SLC16A2: variants seen among roughly 807,000 people sequenced by gnomAD.
The protein encoded by SLC16A2 is monocarboxylate transporter 8.
A neutral mutation model predicts 27.2 loss-of-function variants in SLC16A2; 3 were observed. The observed-to-expected ratio is 0.11, with a 90% confidence interval of 0.05 to 0.28. SLC16A2 has a LOEUF of 0.28. SLC16A2 is among the 10% of genes least tolerant of loss of function. The pLI, the probability that SLC16A2 is intolerant of heterozygous loss-of-function variation, is 1.00. For synonymous variants in SLC16A2, 202 were observed against 187.8 expected, an observed-to-expected ratio of 1.08 and a Z score of -0.62; for missense variants, 295 against 458.5, an observed-to-expected ratio of 0.64 and a Z score of 3.26.
chrX:74,451,955 G>A (rs1928950075), intron 1 of SLC16A2, among the ~76,000 whole-genome samples: 1 of 112,604 alleles, frequency 8.9e-6, no homozygotes, highest in African/African-American at 3.2e-5. Context: ...GGGCTTAGAG[G>A]ATCCTATAGT....
intron 1 of SLC16A2, among the ~76,000 whole-genome samples, chrX:74,480,601 G>T (rs770415951): frequency 8.9e-6 from 1 of 112,387 alleles, no homozygotes; most frequent in Non-Finnish European, 1.9e-5. Flanking sequence ...GACTGGAGTT[G>T]TTCCTATTCA....
At chrX:74,469,750 A>C (rs1308609392) in intron 1 of SLC16A2, among the ~76,000 whole-genome samples, 2 of 110,694 alleles carry the variant, frequency 1.8e-5, no homozygotes, top group Non-Finnish European at 3.8e-5. Context: ...CCTACCCCCC[A>C]GCATGCACAG....
chrX:74,472,800 A>G (rs751065504), intron 1 of SLC16A2, among the ~76,000 whole-genome samples: 1 of 111,445 alleles, frequency 9.0e-6, no homozygotes, highest in South Asian at 3.8e-4. Flanking sequence ...CACTTTCCAC[A>G]GAACAGAAGC....
At chrX:74,492,776 G>C (rs184478646) in intron 1 of SLC16A2, among the ~76,000 whole-genome samples, 17 of 111,268 alleles carry the variant, frequency 1.5e-4, no homozygotes, top group African/African-American at 4.9e-4. Context: ...GGGCAAACAC[G>C]AGATTCCCTA....
intron 1 of SLC16A2, among the ~76,000 whole-genome samples, chrX:74,519,722 AAAAAAAAAC>A (rs1276834685): frequency 2.9e-5 from 2 of 68,876 alleles, no homozygotes; most frequent in Non-Finnish European, 7.5e-5. Flanking sequence ...TCTCAAAAAA[AAAAAAAAAC>A]AAAAAAAAAA....
chrX:74,440,817 T>TGC (rs1319452294), intron 1 of SLC16A2, among the ~76,000 whole-genome samples: 3 of 110,783 alleles, frequency 2.7e-5, no homozygotes, highest in African/African-American at 9.9e-5. Context: ...TGTGTGTGTG[T>TGC]GTGTGCACGC....
At chrX:74,456,702 C>T (rs1021175063) in intron 1 of SLC16A2, among the ~76,000 whole-genome samples, 7 of 112,245 alleles carry the variant, frequency 6.2e-5, no homozygotes, top group African/African-American at 2.3e-4. Context: ...TCTGCATAGA[C>T]AATTCCTTAG....
At chrX:74,514,430 T>C (rs903399110) in intron 1 of SLC16A2, among the ~76,000 whole-genome samples, 1 of 111,045 alleles carries the variant, frequency 9.0e-6, no homozygotes, top group African/African-American at 3.3e-5. Flanking sequence ...AGCCAAGACT[T>C]CTACACTCAC....
At chrX:74,460,190 G>A (rs1167525232) in intron 1 of SLC16A2, among the ~76,000 whole-genome samples, 2 of 112,086 alleles carry the variant, frequency 1.8e-5, no homozygotes, top group Non-Finnish European at 3.8e-5. Context: ...GGTCTTGGCT[G>A]CTGCACTCTG....
In SLC16A2 at chrX:74,467,056, T is replaced by C. The variant is rs115992263; in HGVS notation, c.430+44989T>C. 9.7e-3 allele frequency among the ~76,000 whole-genome samples: 1,027 copies of C among 105,835 alleles called. 14 individuals are homozygous for C. The highest frequency in any genetic ancestry group is 0.034 in the African/African-American group (981 of 29,111). 91.9% of individuals were successfully genotyped at this position (105,835 alleles called of 115,157 possible). A position where few individuals can be genotyped will look rare whatever the true frequency, so the allele number is the denominator to read the frequency against. On this transcript the variant is annotated intron_variant, in intron 1 of 5. Transcript: ENST00000587091. ...AGCACCATGTCACCATATGCCCAGA[T>C]AGCTCTCTGCCAGAGAGAGAGGTAT...
intron 1 of SLC16A2, among the ~76,000 whole-genome samples, chrX:74,454,508 A>T (rs112489115): frequency 2.9e-5 from 3 of 105,128 alleles, no homozygotes; most frequent in Non-Finnish European, 5.8e-5. Context: ...GTTCTCACTC[A>T]TAGGTGGGAA....
chrX:74,484,396 C>G (rs933146997), intron 1 of SLC16A2, among the ~76,000 whole-genome samples: 2 of 111,956 alleles, frequency 1.8e-5, no homozygotes, highest in Admixed American at 1.9e-4. Context: ...GTTTAAGAAC[C>G]TGGGATCAAT....
At chrX:74,457,155 C>T (rs966419459) in intron 1 of SLC16A2, among the ~76,000 whole-genome samples, 1 of 111,480 alleles carries the variant, frequency 9.0e-6, no homozygotes, top group Non-Finnish European at 1.9e-5. Flanking sequence ...CCAGACCAAC[C>T]GAATCGTTGT....
At chrX:74,433,841 G>C (rs1183137921) in intron 1 of SLC16A2, among the ~76,000 whole-genome samples, 1 of 112,157 alleles carries the variant, frequency 8.9e-6, no homozygotes, top group Non-Finnish European at 1.9e-5. Flanking sequence ...GCTAGATTCA[G>C]ATTACTTTCC....
At chrX:74,457,861 G>A (rs977123578) in intron 1 of SLC16A2, among the ~76,000 whole-genome samples, 1 of 111,402 alleles carries the variant, frequency 9.0e-6, no homozygotes, top group South Asian at 3.8e-4. Flanking sequence ...ACTGGGCACC[G>A]GGACCCCTAA....
At chrX:74,427,744 A>G (rs1276413695) in intron 1 of SLC16A2, among the ~76,000 whole-genome samples, 1 of 110,755 alleles carries the variant, frequency 9.0e-6, no homozygotes, top group East Asian at 2.9e-4. Flanking sequence ...AATGAACCCT[A>G]GAGAAAAGGC....
rs1460571436 is a variant in SLC16A2, at chrX:74,498,916, G to T, written c.431-22074G>T. Among the ~76,000 whole-genome samples the T allele has an allele frequency of 9.8e-5, 11 of 111,741 alleles. No individual in the cohort carries two copies. The Admixed American group carries it at 1.0e-3, about 11-fold the overall frequency. ...GTTTTTGCTTTTGGCTACTGGCCCA[G>T]GTAAGGGGCCTGTGCCTATGGAATA... is the stretch of plus-strand genomic sequence containing the variant. On this transcript the variant is annotated intron_variant, in intron 1 of 5. Coordinates refer to ENST00000587091, the MANE Select transcript of SLC16A2 (RefSeq NM_006517.5).
At position 74,421,672 on chromosome X, in the gene SLC16A2, AG is replaced by A; in HGVS notation, c.39del (p.Trp15GlyfsTer69). 1 of 1,201,372 alleles carries A rather than the reference AG, an allele frequency of 8.3e-7. No individual in the cohort carries two copies. On this transcript the variant is annotated frameshift_variant, in exon 1 of 6. Transcript: ENST00000587091. LOFTEE classifies it high-confidence loss of function. ...CAAAGCCAGGCGAGCGAGGAAGCAA[AG>A]GGGCCCTGGCAGGAGGCAGACCAGG... The part of the protein sequence containing the change: ...ALQSQASEEA[K>X]GPWQEADQEQ...
intron 1 of SLC16A2, among the ~76,000 whole-genome samples, chrX:74,427,803 A>ACG (rs201603759): frequency 2.2e-3 from 161 of 72,326 alleles, no homozygotes; most frequent in South Asian, 0.014. Context: ...GCACGCGTGC[A>ACG]CGCGCGCGCA....
Sources: allele counts gnomAD v4.1 joint callset (sites outside exome capture counted in the v4.1 genomes callset), GRCh38; gene constraint gnomAD v4.1.1; transcripts MANE v1.5; gene names NCBI Gene and HGNC (gene_info 2026-07-23, HGNC 2026-07-21).